OPA1: variants seen among roughly 807,000 people sequenced by gnomAD.
OPA1 encodes OPA1 mitochondrial dynamin like GTPase.
Under a neutral mutation model 152.9 loss-of-function variants are expected in OPA1, and 59 were observed. That is an observed-to-expected ratio of 0.39 (90% confidence interval 0.31 to 0.48). The LOEUF (loss-of-function observed/expected upper bound fraction) is 0.48, where lower values mean the gene tolerates loss of function less well. Among genes scored for constraint, OPA1 ranks in the 20% least tolerant of loss-of-function variants. The pLI is 0.96. For missense variants in OPA1, 1,008 were observed against 1,216.8 expected (o/e 0.83, Z 2.55); for synonymous variants, 400 against 389.9 (o/e 1.03, Z -0.31).
At chr3:193,638,152 T>A in intron 11 of OPA1, 87 bp downstream of exon 11, 1 of 945,640 alleles carries the variant, frequency 1.1e-6, no homozygotes, top group Non-Finnish European at 1.7e-6. Flanking sequence ...TGAGGACTTT[T>A]AACCAAAGAA....
intron 1 of OPA1, among the ~76,000 whole-genome samples, chr3:193,612,268 CTTTTTT>C (rs34283831): frequency 1.7e-4 from 20 of 116,340 alleles, no homozygotes; most frequent in East Asian, 4.9e-4. Flanking sequence ...GTCTAACTTC[CTTTTTT>C]TTTTTTTTTT....
At chr3:193,647,796 C>T (rs1734924271) in intron 19 of OPA1, among the ~76,000 whole-genome samples, 1 of 152,150 alleles carries the variant, frequency 6.6e-6, no homozygotes, top group Non-Finnish European at 1.5e-5. Context: ...GGTGGTACAA[C>T]TGCAGAGTCC....
intron 13 of OPA1, 100 bp downstream of exon 13, chr3:193,643,149 T>G (rs1247096967): frequency 9.9e-7 from 1 of 1,009,106 alleles, no homozygotes; most frequent in East Asian, 2.6e-5. Flanking sequence ...ATTGCTGCTA[T>G]CTAGATATGT....
chr3:193,668,270 A>T (rs960233822), intron 29 of OPA1: 1 of 1,441,476 alleles, frequency 6.9e-7, no homozygotes, highest in Non-Finnish European at 9.5e-7. Context: ...CAGTCCTCCT[A>T]TACGTAACCC....
chr3:193,626,235 TTCACAC>T lies in OPA1; in HGVS notation c.789+35_789+40del, dbSNP rs756197747. The T allele has an allele frequency of 1.5e-5, 22 of 1,452,632 alleles. No homozygotes were observed. The South Asian group carries it at 2.4e-4, about 16-fold the overall frequency. 90.0% of individuals were successfully genotyped at this position (1,452,632 alleles called of 1,614,324 possible). A position where few individuals can be genotyped will look rare whatever the true frequency, so the allele number is the denominator to read the frequency against. On this transcript the variant is annotated intron_variant, in intron 7 of 30. Transcript: ENST00000361510. ...ATGGTTTAAGGGGGCTACCGATACA[TTCACAC>T]TAATCAGCCATTTCTGCCAAGATCA...
In OPA1 at chr3:193,657,164, C is replaced by T. The variant is rs773148357; in HGVS notation, c.2263C>T (p.Leu755Phe). Residue 755 changes from leucine (L) to phenylalanine (F), a missense_variant, in exon 23 of 31, where the codon CTT becomes TTT. By Grantham distance (22) the Leu-to-Phe change is conservative (BLOSUM62 0). Transcript: ENST00000361510. ...GKEHDDIFDK[L>F]KEAVKEESIK... Reference sequence around the variant, plus strand: ...AGAGCATGATGACATATTTGATAAACTTAAAGAGGCTGTTAAGGAAGAAAG... The same window carrying T: ...AGAGCATGATGACATATTTGATAAATTTAAAGAGGCTGTTAAGGAAGAAAG... 3 of 1,613,836 alleles carry T rather than the reference C, an allele frequency of 1.9e-6. No individual in the cohort carries two copies. The highest frequency in any genetic ancestry group is 2.5e-6 in the Non-Finnish European group (3 of 1,179,862).
At chr3:193,600,446 C>T (rs1726291670) in intron 1 of OPA1, among the ~76,000 whole-genome samples, 1 of 152,174 alleles carries the variant, frequency 6.6e-6, no homozygotes, top group African/African-American at 2.4e-5. Flanking sequence ...ACATTTAAGA[C>T]TTGAGAGTAT....
chr3:193,668,988 A>G (rs1036973635), intron 29 of OPA1: 9 of 439,776 alleles, frequency 2.0e-5, no homozygotes, highest in African/African-American at 1.9e-4. Flanking sequence ...CGTGTAACAA[A>G]GTATCTTTTT....
chr3:193,606,248 T>G (rs978174075), intron 1 of OPA1, among the ~76,000 whole-genome samples: 1 of 152,202 alleles, frequency 6.6e-6, no homozygotes, highest in Non-Finnish European at 1.5e-5. Flanking sequence ...TAAAAATATT[T>G]TCCAAAGTGT....
chr3:193,631,612 G>A lies in OPA1; in HGVS notation c.790G>A (p.Val264Met), dbSNP rs1385422732. 4 of 1,604,104 alleles carry A rather than the reference G, an allele frequency of 2.5e-6. No homozygotes were observed. The South Asian group carries it at 3.3e-5, about 13-fold the overall frequency. ...AACTAAAATTATTTTAAACATTTAG[G>A]TGTCAGACAAAGAGAAAATTGACCA... ...STSYAQQKRK[V>M]SDKEKIDQLQ... The change falls in exon 8 of 31, where the codon GTG (valine) becomes ATG (methionine). Residue 264 changes from valine (V) to methionine (M), a missense_variant and splice_region_variant. Physicochemically the swap from Val to Met is conservative, Grantham distance 21 (BLOSUM62 1). Coordinates refer to ENST00000361510, the MANE Select transcript of OPA1 (RefSeq NM_130837.3).
At chr3:193,614,686 C>G (rs1220290467) in intron 1 of OPA1, 37 bp from the exon 2 acceptor site, 1 of 1,471,242 alleles carries the variant, frequency 6.8e-7, no homozygotes, top group Non-Finnish European at 9.5e-7. Context: ...TACTGTTACC[C>G]TCTCTGATCT....
At chr3:193,639,620 G>A (rs1476440113) in intron 11 of OPA1, among the ~76,000 whole-genome samples, 4 of 152,216 alleles carry the variant, frequency 2.6e-5, no homozygotes, top group Non-Finnish European at 5.9e-5. Context: ...ATGAAGAGCG[G>A]GGAGGAACAG....
intron 29 of OPA1, among the ~76,000 whole-genome samples, chr3:193,669,481 C>T (rs1560051549): frequency 1.3e-5 from 2 of 152,174 alleles, no homozygotes; most frequent in Non-Finnish European, 2.9e-5. Flanking sequence ...CAGGGAATCT[C>T]CCAGAGCCTT....
At chr3:193,660,764 G>A (rs56395302) in intron 25 of OPA1, among the ~76,000 whole-genome samples, 32,395 of 151,746 alleles carry the variant, frequency 0.21, 3,611 homozygotes, top group South Asian at 0.29. Flanking sequence ...GCAAAGCTGA[G>A]GAAGCAGACA....
chr3:193,611,915 A>G (rs1728311175), intron 1 of OPA1, among the ~76,000 whole-genome samples: 1 of 151,860 alleles, frequency 6.6e-6, no homozygotes, highest in African/African-American at 2.4e-5. Context: ...ACTGAATGTT[A>G]AAAGGTTTTC....
intron 13 of OPA1, 114 bp from the exon 14 acceptor site, chr3:193,643,259 G>C: frequency 1.1e-6 from 1 of 909,694 alleles, no homozygotes; most frequent in Non-Finnish European, 1.8e-6. Flanking sequence ...TTTTGTGAGC[G>C]TCTTATCTGA....
At chr3:193,609,178 T>C (rs1230367970) in intron 1 of OPA1, among the ~76,000 whole-genome samples, 1 of 152,244 alleles carries the variant, frequency 6.6e-6, no homozygotes, top group African/African-American at 2.4e-5. Flanking sequence ...CCGTGTCTTT[T>C]AATTGGAGCA....
At chr3:193,630,517 A>G (rs1413619048) in intron 7 of OPA1, among the ~76,000 whole-genome samples, 3 of 152,220 alleles carry the variant, frequency 2.0e-5, no homozygotes, top group Admixed American at 2.0e-4. Flanking sequence ...ATTAATGTCT[A>G]CCTCAATAAG....
chr3:193,677,291 CTTTTTT>C (rs752472474), intron 29 of OPA1, among the ~76,000 whole-genome samples: 2 of 125,450 alleles, frequency 1.6e-5, no homozygotes, highest in African/African-American at 5.9e-5. Context: ...TCTTTTACTT[CTTTTTT>C]TTTTTTTTTT....
Sources: gnomAD v4.1 joint callset for allele counts (sites outside exome capture counted in the v4.1 genomes callset) on GRCh38, gnomAD v4.1.1 for gene constraint, MANE v1.5 for transcripts, NCBI Gene and HGNC (gene_info 2026-07-23, HGNC 2026-07-21) for gene names.